Variants in MYOF observed in about 807,000 individuals in gnomAD.
The protein encoded by MYOF is myoferlin.
A neutral mutation model predicts 284.2 loss-of-function variants in MYOF; 244 were observed. That is an observed-to-expected ratio of 0.86 (90% CI 0.77 to 0.95). MYOF has a LOEUF of 0.95. MYOF is among the 40% of genes least tolerant of loss of function. The pLI is 0.00. For missense variants in MYOF, 2,496 were observed against 2,560.6 expected, an observed-to-expected ratio of 0.97 and a Z score of 0.54; for synonymous variants, 904 against 919.7, an observed-to-expected ratio of 0.98 and a Z score of 0.31.
At chr10:93,401,758 T>C (rs1271415903) in intron 11 of MYOF, among the ~76,000 whole-genome samples, 1 of 151,708 alleles carries the variant, frequency 6.6e-6, no homozygotes, top group Non-Finnish European at 1.5e-5. Context: ...TATCATTCTG[T>C]CATTTTATGA....
At chr10:93,338,324 G>T (rs1037407224) in intron 39 of MYOF, 1 of 457,832 alleles carries the variant, frequency 2.2e-6, no homozygotes, top group Middle Eastern at 3.4e-4. Flanking sequence ...GTAATGCCTT[G>T]TAATACAATA....
rs564047354 is a variant in MYOF, at chr10:93,355,665, G to A, written c.3366C>T (p.Phe1122=). The part of the protein sequence containing the change: ...EKQKHSATTV[F]GANTPIVSCN... ...AGGAAACAATGGGGGTGTTTGCTCC[G>A]AACACAGTGGTGGCACTGTGCTTCT... Residue 1122 remains phenylalanine, a synonymous_variant, in exon 31 of 54, where the codon TTC becomes TTT. Transcript: ENST00000359263. The A allele has an allele frequency of 7.4e-6, 12 of 1,612,496 alleles. No individual in the cohort carries two copies. The highest frequency in any genetic ancestry group is 5.5e-5 in the South Asian group (5 of 90,916).
intron 30 of MYOF, 42 bp from the exon 31 acceptor site, chr10:93,355,778 AACACT>A: frequency 6.8e-7 from 1 of 1,464,244 alleles, no homozygotes; most frequent in Admixed American, 1.7e-5. Context: ...GAAGTCAATA[AACACT>A]GCCTAAAAGC....
intron 51 of MYOF, among the ~76,000 whole-genome samples, chr10:93,311,893 C>T (rs1410144930): frequency 1.3e-5 from 2 of 152,150 alleles, no homozygotes; most frequent in African/African-American, 4.8e-5. Flanking sequence ...GTGCAAACTG[C>T]TGTATTGTAA....
chr10:93,369,248 CT>C (rs1489240927), intron 25 of MYOF, among the ~76,000 whole-genome samples: 1 of 113,020 alleles, frequency 8.8e-6, no homozygotes, highest in Non-Finnish European at 1.8e-5. Context: ...AGTGTCCCCT[CT>C]CCTGGGTTGG....
chr10:93,333,761 G>T lies in MYOF; in HGVS notation c.4716C>A (p.Gly1572=). Reference sequence around the variant, plus strand: ...GGCCCCACACCCAAACTCTTACCAGGCCATTGTTGTCCTGGGGCTGGAGCT... The same window carrying T: ...GGCCCCACACCCAAACTCTTACCAGTCCATTGTTGTCCTGGGGCTGGAGCT... ...GLELQPQDNN[G]LCDPYIKITL... Residue 1572 remains glycine, a synonymous_variant, in exon 42 of 54, where the codon GGC becomes GGA. Transcript: ENST00000359263. 6.2e-7 allele frequency: 1 copy of T among 1,614,080 alleles called. No individual in the cohort carries two copies.
intron 5 of MYOF, among the ~76,000 whole-genome samples, chr10:93,419,804 C>A (rs1848280448): frequency 1.3e-5 from 2 of 152,138 alleles, no homozygotes; most frequent in Admixed American, 1.3e-4. Flanking sequence ...GTCCCATAGG[C>A]AGGTGTCAAT....
chr10:93,360,979 C>T (rs1344284671), intron 28 of MYOF, among the ~76,000 whole-genome samples: 2 of 152,200 alleles, frequency 1.3e-5, no homozygotes, highest in African/African-American at 4.8e-5. Flanking sequence ...ACTTGCCTTT[C>T]CCTTGGATTC....
At chr10:93,341,731 G>A (rs1344994886) in intron 38 of MYOF, among the ~76,000 whole-genome samples, 3 of 152,174 alleles carry the variant, frequency 2.0e-5, no homozygotes, top group Non-Finnish European at 4.4e-5. Flanking sequence ...AACTTGCAAT[G>A]GGAATCAAAT....
intron 5 of MYOF, among the ~76,000 whole-genome samples, chr10:93,419,906 C>T (rs953979667): frequency 3.3e-5 from 5 of 152,106 alleles, no homozygotes; most frequent in Middle Eastern, 3.4e-3. Context: ...CCGAGGCTGG[C>T]GGATCACCTG....
intron 6 of MYOF, 86 bp downstream of exon 6, chr10:93,409,487 T>C: frequency 1.4e-6 from 2 of 1,455,566 alleles, no homozygotes; most frequent in Non-Finnish European, 1.9e-6. Context: ...TCCATTGGAA[T>C]AGGTCCACTG....
At chr10:93,390,473 C>T (rs934892594) in intron 17 of MYOF, among the ~76,000 whole-genome samples, 8 of 152,196 alleles carry the variant, frequency 5.3e-5, no homozygotes, top group Non-Finnish European at 7.3e-5. Flanking sequence ...TGCCACATGT[C>T]ACACTTGTTT....
At chr10:93,325,189 G>A (rs528705032) in intron 46 of MYOF, among the ~76,000 whole-genome samples, 1 of 152,246 alleles carries the variant, frequency 6.6e-6, no homozygotes, top group East Asian at 1.9e-4. Context: ...GACATGGCCT[G>A]GACATCTTCA....
At position 93,397,239 on chromosome 10, in the gene MYOF, C is replaced by T. The variant is rs770469475; in HGVS notation, c.1334+8G>A. ...GTTGAATTAGACACATACGTATTTT[C>T]AACTCACCAGTCATATATTGTTAGT... On this transcript the variant is annotated splice_region_variant and intron_variant, in intron 15 of 53. Coordinates refer to ENST00000359263, the MANE Select transcript of MYOF (RefSeq NM_013451.4). 7 of 1,574,160 alleles carry T rather than the reference C, an allele frequency of 4.4e-6. No individual in the cohort carries two copies. The highest frequency in any genetic ancestry group is 5.2e-6 in the Non-Finnish European group (6 of 1,149,108).
At chr10:93,353,960 GA>G in intron 31 of MYOF, 72 bp from the exon 32 acceptor site, 3 of 1,206,680 alleles carry the variant, frequency 2.5e-6, no homozygotes, top group Non-Finnish European at 3.6e-6. Context: ...GGAATATTTG[GA>G]AAAAATACAT....
At chr10:93,401,128 C>T (rs537323359) in intron 12 of MYOF, among the ~76,000 whole-genome samples, 1 of 152,212 alleles carries the variant, frequency 6.6e-6, no homozygotes, top group Admixed American at 6.5e-5. Context: ...CTGCTCATAT[C>T]TCTTTAGCAT....
At chr10:93,369,980 TAG>T (rs1280188356) in intron 24 of MYOF, among the ~76,000 whole-genome samples, 2 of 152,240 alleles carry the variant, frequency 1.3e-5, no homozygotes, top group Non-Finnish European at 2.9e-5. Flanking sequence ...GTGTGATCCA[TAG>T]ATTCCTGCCT....
intron 21 of MYOF, among the ~76,000 whole-genome samples, chr10:93,378,693 G>GTATATA (rs66859494): frequency 0.015 from 1,341 of 87,864 alleles, 47 homozygotes; most frequent in African/African-American, 0.021. Context: ...GTGTGTGTGT[G>GTATATA]TATATATATA....
At chr10:93,392,129 T>C (rs1846722744) in intron 17 of MYOF, among the ~76,000 whole-genome samples, 1 of 152,268 alleles carries the variant, frequency 6.6e-6, no homozygotes, top group Admixed American at 6.5e-5. Flanking sequence ...AGTCTGATTA[T>C]AATGAAATAG....
Sources: gnomAD v4.1 joint callset for allele counts (sites outside exome capture counted in the v4.1 genomes callset) on GRCh38, gnomAD v4.1.1 for gene constraint, MANE v1.5 for transcripts, NCBI Gene and HGNC (gene_info 2026-07-23, HGNC 2026-07-21) for gene names.